The following ROBO1 variants were observed in gnomAD, a reference collection of about 807,000 sequenced individuals.
The protein encoded by ROBO1 is roundabout guidance receptor 1.
Under a neutral mutation model 195.9 loss-of-function variants are expected in ROBO1, and 149 were observed. The ratio of observed to expected loss-of-function variants is 0.76; its 90% CI spans 0.67 to 0.87. The LOEUF (loss-of-function observed/expected upper bound fraction) is 0.87, where lower values mean the gene tolerates loss of function less well. Ranked by LOEUF, ROBO1 falls within the 40% of genes least tolerant of loss-of-function variation. ROBO1 has a pLI of 0.00. For synonymous variants in ROBO1, 816 were observed against 733.2 expected (o/e 1.11, Z -1.82); for missense variants, 1,933 against 2,068.3 (o/e 0.93, Z 1.27).
rs377218854 is a variant in ROBO1, at chr3:78,740,400, T to G, written c.657+6343A>C. Among the ~76,000 whole-genome samples, 9 of 151,588 alleles carry G rather than the reference T, an allele frequency of 5.9e-5. No homozygotes were observed. The East Asian group carries it at 9.7e-4, about 16-fold the overall frequency. On this transcript the variant is annotated intron_variant, in intron 5 of 30. Transcript: ENST00000464233. ...AAATTTAAATAAATTTAAATAATTT[T>G]TATTTAAAATTTTTCAGATTAAAAA...
In ROBO1 at chr3:78,705,837, A is replaced by G. The variant is rs531759840; in HGVS notation, c.1045+8560T>C. Among the ~76,000 whole-genome samples, 123 of 152,184 alleles carry G rather than the reference A, an allele frequency of 8.1e-4. 1 individual carries two copies. Among genetic ancestry groups the G allele is most frequent in the African/African-American group, 2.6e-3 (108 of 41,528 alleles). ...CCCAATGTTAGAATTTTGCTCTTAGACTGAATTAAACCACCTGTTTTGCTG... is the reference window on the plus strand; with the variant it reads ...CCCAATGTTAGAATTTTGCTCTTAGGCTGAATTAAACCACCTGTTTTGCTG... On this transcript the variant is annotated intron_variant, in intron 8 of 30. Coordinates refer to ENST00000464233, the MANE Select transcript of ROBO1 (RefSeq NM_002941.4).
intron 22 of ROBO1, among the ~76,000 whole-genome samples, chr3:78,638,140 T>C (rs780286488): frequency 2.0e-5 from 3 of 150,908 alleles, no homozygotes; most frequent in South Asian, 2.1e-4. Flanking sequence ...AAACAAACAA[T>C]AGAAAATAAA....
intron 2 of ROBO1, among the ~76,000 whole-genome samples, chr3:79,542,626 C>A (rs946685143): frequency 2.0e-5 from 3 of 151,880 alleles, no homozygotes; most frequent in Admixed American, 2.0e-4. Flanking sequence ...AAATACCTTC[C>A]TAGCAATTAA....
intron 4 of ROBO1, among the ~76,000 whole-genome samples, chr3:78,903,527 G>C (rs1053032484): frequency 6.7e-6 from 1 of 149,734 alleles, no homozygotes; most frequent in East Asian, 2.0e-4. Context: ...TACTTTAATA[G>C]AAAACTGGGA....
rs1457785063 is a variant in ROBO1, at chr3:78,598,811, T to G, written c.*102A>C. The stretch of plus-strand genomic sequence containing the variant: ...GGAATAAAAACGACAATTTGTACAC[T>G]CTGATTGCACTGAACATTTTATCTG... On this transcript the variant is annotated 3_prime_UTR_variant, in exon 31 of 31. Transcript: ENST00000464233. The G allele has an allele frequency of 2.7e-5, 19 of 703,230 alleles. No homozygotes were observed. In the East Asian group the frequency reaches 4.8e-4, roughly 18 times the overall value. 43.6% of individuals were successfully genotyped at this position (703,230 alleles called of 1,614,324 possible). A position where few individuals can be genotyped will look rare whatever the true frequency, so the allele number is the denominator to read the frequency against.
intron 4 of ROBO1, among the ~76,000 whole-genome samples, chr3:78,803,417 A>G (rs2084428505): frequency 6.6e-6 from 1 of 152,176 alleles, no homozygotes; most frequent in African/African-American, 2.4e-5. Flanking sequence ...TGGGGAAACA[A>G]GTTATAATAG....
At chr3:78,617,556 G>T (rs1367013304) in intron 27 of ROBO1, 79 bp downstream of exon 27, 6 of 1,383,132 alleles carry the variant, frequency 4.3e-6, no homozygotes, top group Non-Finnish European at 5.9e-6. Flanking sequence ...TAGGACGTAA[G>T]ATCATAGGAC....
chr3:78,600,380 G>GTCTA (rs2107222394), intron 29 of ROBO1, 71 bp from the exon 30 acceptor site: 1 of 972,084 alleles, frequency 1.0e-6, no homozygotes, highest in Non-Finnish European at 1.6e-6. Context: ...TATCACTCCT[G>GTCTA]TCTATCTGTA....
chr3:78,903,726 T>C (rs776238907), intron 4 of ROBO1, among the ~76,000 whole-genome samples: 48 of 152,308 alleles, frequency 3.2e-4, no homozygotes, highest in South Asian at 2.1e-3. Flanking sequence ...GATTCCTTAC[T>C]ATACCAATAT....
intron 2 of ROBO1, among the ~76,000 whole-genome samples, chr3:79,209,758 T>G (rs1415855976): frequency 6.6e-6 from 1 of 152,122 alleles, no homozygotes; most frequent in East Asian, 1.9e-4. Flanking sequence ...GGTTGCTGTT[T>G]GCCCATGATA....
intron 3 of ROBO1, among the ~76,000 whole-genome samples, chr3:79,085,980 G>A (rs1414392293): frequency 6.6e-6 from 1 of 152,068 alleles, no homozygotes; most frequent in Non-Finnish European, 1.5e-5. Flanking sequence ...GTTTGTTAAT[G>A]TATTATTATT....
intron 3 of ROBO1, among the ~76,000 whole-genome samples, chr3:79,070,015 T>C (rs2079060804): frequency 6.6e-6 from 1 of 151,870 alleles, no homozygotes; most frequent in Non-Finnish European, 1.5e-5. Context: ...CTTGAAGTTA[T>C]TCATAAATTT....
intron 2 of ROBO1, among the ~76,000 whole-genome samples, chr3:79,182,626 G>C (rs1247332137): frequency 6.6e-6 from 1 of 151,922 alleles, no homozygotes; most frequent in Non-Finnish European, 1.5e-5. Flanking sequence ...GGCTGAAAAT[G>C]TAAGTTTAGG....
intron 2 of ROBO1, among the ~76,000 whole-genome samples, chr3:79,197,862 C>A (rs2081670196): frequency 6.7e-6 from 1 of 149,380 alleles, no homozygotes; most frequent in Non-Finnish European, 1.5e-5. Flanking sequence ...TGTTCATATC[C>A]TTCGCCCATT....
At chr3:79,606,136 T>C (rs2107891959) in intron 1 of ROBO1, among the ~76,000 whole-genome samples, 1 of 149,458 alleles carries the variant, frequency 6.7e-6, no homozygotes, top group South Asian at 2.1e-4. Flanking sequence ...TTAAAAAAAT[T>C]ACTCATTTAA....
intron 2 of ROBO1, among the ~76,000 whole-genome samples, chr3:79,216,096 T>C (rs1365690282): frequency 1.3e-5 from 2 of 152,154 alleles, no homozygotes; most frequent in Non-Finnish European, 2.9e-5. Context: ...TATTTGTTAA[T>C]TTTATGATTC....
At chr3:79,167,720 A>G (rs1348056982) in intron 2 of ROBO1, among the ~76,000 whole-genome samples, 3 of 152,248 alleles carry the variant, frequency 2.0e-5, no homozygotes, top group Admixed American at 2.0e-4. Context: ...CAATCTGAGC[A>G]TTCTGCCTTG....
chr3:78,808,487 G>A (rs1254906634), intron 4 of ROBO1, among the ~76,000 whole-genome samples: 2 of 152,168 alleles, frequency 1.3e-5, no homozygotes, highest in Non-Finnish European at 2.9e-5. Flanking sequence ...ACAGGCATGA[G>A]CCACCATGCC....
rs751865351 is a variant in ROBO1, at chr3:78,668,165, T to G, written c.1768A>C (p.Thr590Pro). The change falls in exon 13 of 31, where the codon ACT becomes CCT. Residue 590 changes from threonine (T) to proline (P), a missense_variant. By Grantham distance (38) the Thr-to-Pro change is conservative (BLOSUM62 -1). This residue lies in a region of ROBO1 where 1,737 missense variants were observed against 1,882.5 expected (regional missense o/e 0.92). Coordinates refer to ENST00000464233, the MANE Select transcript of ROBO1 (RefSeq NM_002941.4). ...GCTTCTATAATATAAGATGTTGGAG[T>G]TGCTCCTGAATTCAAATTTGGTTGC... is the stretch of plus-strand genomic sequence containing the variant. ...SWQPNLNSGA[T>P]PTSYIIEAFS... is the part of the protein sequence containing the mutation. The G allele has an allele frequency of 6.2e-7, 1 of 1,613,756 alleles. No homozygotes were observed. Among genetic ancestry groups the G allele is most frequent in the South Asian group, 1.1e-5 (1 of 91,066 alleles).
Sources: allele counts gnomAD v4.1 joint callset (sites outside exome capture counted in the v4.1 genomes callset), GRCh38; gene constraint gnomAD v4.1.1; regional missense constraint gnomAD v4.1.1; transcripts MANE v1.5; gene names NCBI Gene and HGNC (gene_info 2026-07-23, HGNC 2026-07-21).